GFOD1: variants seen among roughly 807,000 people sequenced by gnomAD.
GFOD1 encodes Gfo/Idh/MocA-like oxidoreductase domain containing 1.
In GFOD1, 9 loss-of-function variants were observed where a neutral mutation model predicts 25.4. The ratio of observed to expected loss-of-function variants is 0.35; its 90% CI spans 0.21 to 0.62. The LOEUF (loss-of-function observed/expected upper bound fraction) is 0.62. Ranked by LOEUF, GFOD1 falls within the 20% of genes least tolerant of loss-of-function variation. The pLI, the probability that GFOD1 is intolerant of heterozygous loss-of-function variation, is 0.72. For missense variants in GFOD1, 403 were observed against 556.9 expected, an observed-to-expected ratio of 0.72 and a Z score of 2.78; for synonymous variants, 253 against 245.6, an observed-to-expected ratio of 1.03 and a Z score of -0.28.
intron 1 of GFOD1, among the ~76,000 whole-genome samples, chr6:13,475,645 A>G (rs9357741): frequency 0.98 from 147,620 of 150,410 alleles, 72,494 homozygotes; most frequent in Middle Eastern, 1. Flanking sequence ...TTGAACCCTG[A>G]AGGCGGCAGC....
At chr6:13,380,017 T>C (rs1785328691) in intron 1 of GFOD1, among the ~76,000 whole-genome samples, 2 of 152,226 alleles carry the variant, frequency 1.3e-5, no homozygotes, top group South Asian at 4.1e-4. Flanking sequence ...AAAGGACAGA[T>C]GGGCACTGTC....
chr6:13,456,787 G>C (rs927747553), intron 1 of GFOD1, among the ~76,000 whole-genome samples: 2 of 152,186 alleles, frequency 1.3e-5, no homozygotes, highest in Non-Finnish European at 2.9e-5. Context: ...GAGCCAGGAG[G>C]TCTGAGCCTC....
At position 13,430,452 on chromosome 6, in the gene GFOD1, G is replaced by A. The variant is rs1410026305; in HGVS notation, c.253+56186C>T. Among the ~76,000 whole-genome samples the A allele has an allele frequency of 6.6e-6, 1 of 151,924 alleles. No individual in the cohort carries two copies. The highest frequency in any genetic ancestry group is 2.4e-5 in the African/African-American group (1 of 41,366). On this transcript the variant is annotated intron_variant, in intron 1 of 1. Transcript: ENST00000379287. The surrounding 1 kb of genome is among the most constrained non-coding windows in gnomAD (Gnocchi z 4.1). ...ACTCCACCTCAAAATAAATAAATAAGTAAATAAATAAAAATTAAAAAATAA... is the reference window on the plus strand; with the variant it reads ...ACTCCACCTCAAAATAAATAAATAAATAAATAAATAAAAATTAAAAAATAA...
rs561755505 is a variant in GFOD1 at position 13,367,290 on chromosome 6, C to T, written c.254-1628G>A. On this transcript the variant is annotated intron_variant, in intron 1 of 1. Transcript: ENST00000379287. ...GGTCTAAGCTTTTGGCTAATGTCTT[C>T]CCCTCTCCACCCCTCACAATTCCCC... Among the ~76,000 whole-genome samples the T allele has an allele frequency of 2.6e-5, 4 of 152,294 alleles. No individual in the cohort carries two copies. In the South Asian group the frequency reaches 8.3e-4, roughly 32 times the overall value.
At chr6:13,486,193 C>A (rs1758861951) in intron 1 of GFOD1, 2 of 993,706 alleles carry the variant, frequency 2.0e-6, no homozygotes, top group Admixed American at 5.9e-5. Context: ...CGTTTCTGGG[C>A]GCGCACTCGC....
intron 1 of GFOD1, among the ~76,000 whole-genome samples, chr6:13,479,465 A>T (rs112130230): frequency 5.3e-5 from 8 of 152,218 alleles, no homozygotes; most frequent in African/African-American, 1.9e-4. Flanking sequence ...ATGAAGCACA[A>T]CATCTTATAT....
intron 1 of GFOD1, among the ~76,000 whole-genome samples, chr6:13,410,318 G>C (rs1261742689): frequency 1.3e-5 from 2 of 152,202 alleles, no homozygotes; most frequent in East Asian, 3.9e-4. Flanking sequence ...AAGTTGGAAA[G>C]AAGGTTTGGG....
intron 1 of GFOD1, among the ~76,000 whole-genome samples, chr6:13,476,352 G>A (rs774464920): frequency 5.3e-5 from 8 of 152,160 alleles, no homozygotes; most frequent in Non-Finnish European, 8.8e-5. Context: ...AAATGATTAC[G>A]TACTTCATGA....
chr6:13,374,728 CTT>C (rs147560408), intron 1 of GFOD1, among the ~76,000 whole-genome samples: 24 of 66,806 alleles, frequency 3.6e-4, no homozygotes, highest in African/African-American at 8.3e-4. Flanking sequence ...CATCTCAAAT[CTT>C]TTTTTTTTTT....
intron 1 of GFOD1, among the ~76,000 whole-genome samples, chr6:13,409,156 A>AAGAGAGAGAGAG (rs1408311574): frequency 4.2e-5 from 4 of 95,430 alleles, no homozygotes; most frequent in African/African-American, 1.5e-4. Flanking sequence ...AAAGAGAGGA[A>AAGAGAGAGAGAG]AGAAAGAAAG....
intron 1 of GFOD1, among the ~76,000 whole-genome samples, chr6:13,423,839 T>C (rs1031510565): frequency 6.6e-6 from 1 of 152,016 alleles, no homozygotes; most frequent in Non-Finnish European, 1.5e-5. Context: ...CAGATGGTCA[T>C]TCATCCTTTC....
chr6:13,475,948 C>T (rs9370139), intron 1 of GFOD1, among the ~76,000 whole-genome samples: 149,372 of 152,174 alleles, frequency 0.98, 73,369 homozygotes, highest in Middle Eastern at 1. Context: ...ATACCAAGTG[C>T]TGGTGATGAT....
intron 1 of GFOD1, among the ~76,000 whole-genome samples, chr6:13,480,881 T>G (rs1758735643): frequency 6.6e-6 from 1 of 152,232 alleles, no homozygotes; most frequent in Non-Finnish European, 1.5e-5. Context: ...ATAAGAATAC[T>G]ATGTGTTAAT....
At position 13,448,795 on chromosome 6, in the gene GFOD1, G is replaced by T. The variant is rs555401977; in HGVS notation, c.253+37843C>A. 2.6e-5 allele frequency among the ~76,000 whole-genome samples: 4 copies of T among 152,260 alleles called. No homozygotes were observed. In the East Asian group the frequency reaches 7.7e-4, roughly 29 times the overall value. On this transcript the variant is annotated intron_variant, in intron 1 of 1. Transcript: ENST00000379287. ...CTGAGGGTCATGCTTCTAGAAACCT[G>T]GTGGACAGAGATCTGGCTGTACCTC...
intron 1 of GFOD1, among the ~76,000 whole-genome samples, chr6:13,379,144 C>T (rs190814549): frequency 3.9e-5 from 6 of 152,286 alleles, no homozygotes; most frequent in East Asian, 3.9e-4. Context: ...AGATGGTAAT[C>T]GTAAAAACTG....
At chr6:13,483,452 C>T (rs192569827) in intron 1 of GFOD1, among the ~76,000 whole-genome samples, 30 of 152,260 alleles carry the variant, frequency 2.0e-4, no homozygotes, top group Admixed American at 9.8e-4. Flanking sequence ...GGGCATGTCA[C>T]GCCAATCAGC....
intron 1 of GFOD1, among the ~76,000 whole-genome samples, chr6:13,435,091 C>A (rs57876922): frequency 1.1e-4 from 17 of 152,308 alleles, no homozygotes; most frequent in African/African-American, 4.1e-4. Context: ...CATGTCCTTA[C>A]AGAAGGGGGT....
rs970059313 is a variant in GFOD1, at chr6:13,365,003, C to T, written c.913G>A (p.Gly305Ser). 6.2e-7 allele frequency: 1 copy of T among 1,610,340 alleles called. No homozygotes were observed. The highest frequency in any genetic ancestry group is 8.5e-7 in the Non-Finnish European group (1 of 1,179,896). The change falls in exon 2 of 2, where the codon GGC (glycine) becomes AGC (serine). Residue 305 changes from glycine (G) to serine (S), a missense_variant. Physicochemically the swap from Gly to Ser is moderately conservative, Grantham distance 56. Transcript: ENST00000379287. This position sits in a 1 kb window ranked among gnomAD's most constrained non-coding sequence, Gnocchi z 9.2. ...ACCGCCTGCATCATCTTGATGGTGC[C>T]GCGCAGGTAGGGCGAGGGGATGTCG... is the stretch of plus-strand genomic sequence containing the variant. ...FSDIPSPYLR[G>S]TIKMMQAVRQ...
chr6:13,446,821 G>A (rs960086274), intron 1 of GFOD1, among the ~76,000 whole-genome samples: 2 of 152,194 alleles, frequency 1.3e-5, no homozygotes, highest in Non-Finnish European at 2.9e-5. Context: ...ACATATTTGA[G>A]CCTTTTCTCC....
Sources: gnomAD v4.1 joint callset for allele counts (sites outside exome capture counted in the v4.1 genomes callset) on GRCh38, gnomAD v4.1.1 for gene constraint, Gnocchi (gnomAD v3.1) non-coding constraint, MANE v1.5 for transcripts, NCBI Gene and HGNC (gene_info 2026-07-23, HGNC 2026-07-21) for gene names.